Variants in POLR1A observed in about 807,000 individuals in gnomAD.
POLR1A encodes DNA-directed RNA polymerase I subunit RPA1.
POLR1A carries 84 observed loss-of-function variants against 205.3 expected under a neutral mutation model. That is an observed-to-expected ratio of 0.41 (90% CI 0.34 to 0.49). The LOEUF is 0.49. Among genes scored for constraint, POLR1A ranks in the 20% least tolerant of loss-of-function variants. The pLI, the probability that POLR1A is intolerant of heterozygous loss-of-function variation, is 0.22. For synonymous variants in POLR1A, 799 were observed against 863.7 expected (o/e 0.93, Z 1.31); for missense variants, 1,645 against 2,204.5 (o/e 0.75, Z 5.08).
Position 86,028,561 on chromosome 2 carries a change from G to C in POLR1A, c.4897+33C>G, listed in dbSNP as rs750533260. 2.6e-6 allele frequency: 4 copies of C among 1,517,252 alleles called. No individual in the cohort carries two copies. The highest frequency in any genetic ancestry group is 3.7e-6 in the Non-Finnish European group (4 of 1,091,802). The allele number at this position is 1,517,252 out of a possible 1,614,324, so 94.0% of individuals were successfully genotyped here. A position where few individuals can be genotyped will look rare whatever the true frequency, so the allele number is the denominator to read the frequency against. ...CTTCTGGTGTCCTGGCTGGTGCCCA[G>C]ACCTCGGGGTGTTATCTGCAAGCTC... On this transcript the variant is annotated intron_variant, in intron 32 of 33. Transcript: ENST00000263857. The surrounding 1 kb of genome is among the most constrained non-coding windows in gnomAD (Gnocchi z 4.5).
At position 86,032,003 on chromosome 2, in the gene POLR1A, C is replaced by T. The variant is rs148063159; in HGVS notation, c.4272+269G>A. 9.2e-5 allele frequency among the ~76,000 whole-genome samples: 14 copies of T among 152,284 alleles called. No individual in the cohort carries two copies. The East Asian group carries it at 2.7e-3, about 29-fold the overall frequency. ...CAGAGGCAGCCTGACTTTTTCTTGC[C>T]AGAAGCCTGTCTGGATCCTTGAGTC... On this transcript the variant is annotated intron_variant, in intron 29 of 33. Coordinates refer to ENST00000263857, the MANE Select transcript of POLR1A (RefSeq NM_015425.6).
intron 27 of POLR1A, among the ~76,000 whole-genome samples, chr2:86,035,583 TTGTGGCAATGTCACGGC>T (rs1172215201): frequency 6.6e-6 from 1 of 152,134 alleles, no homozygotes; most frequent in East Asian, 1.9e-4. Context: ...CTGTCTCAAC[TTGTGGCAATGTCACGGC>T]TCTGATGCTT....
chr2:86,073,380 AGCCTGCATG>A (rs985056798), intron 12 of POLR1A, among the ~76,000 whole-genome samples: 4 of 152,138 alleles, frequency 2.6e-5, no homozygotes, highest in Non-Finnish European at 5.9e-5. Flanking sequence ...GCTACAGCAG[AGCCTGCATG>A]GCCCAGGACC....
At position 86,023,499 on chromosome 2, in the gene POLR1A, T is replaced by C. The variant is rs1690191367; in HGVS notation, c.*3924A>G. The stretch of plus-strand genomic sequence containing the variant: ...TCCCCAGGTGCAGAACACTTAAGGG[T>C]CCCAACATCTGATTGAAACACAGCC... On this transcript the variant is annotated 3_prime_UTR_variant, in exon 34 of 34. Transcript: ENST00000263857. 6.6e-6 allele frequency: 1 copy of C among 152,034 alleles called. No individual in the cohort carries two copies. Among genetic ancestry groups the C allele is most frequent in the Non-Finnish European group, 1.5e-5 (1 of 68,028 alleles). 9.4% of individuals were successfully genotyped at this position (152,034 alleles called of 1,614,324 possible). A position where few individuals can be genotyped will look rare whatever the true frequency, so the allele number is the denominator to read the frequency against.
At position 86,068,386 on chromosome 2, in the gene POLR1A, C is replaced by CGGGGGG. The variant is rs543719645; in HGVS notation, c.1866+1626_1866+1631dup. ...GAACACGCACAGCCAAGCACATGGG[C>CGGGGGG]GGGGGGGGGGGGCGGGTGTCGTCCA... On this transcript the variant is annotated intron_variant, in intron 13 of 33. Coordinates refer to ENST00000263857, the MANE Select transcript of POLR1A (RefSeq NM_015425.6). 2.8e-3 allele frequency among the ~76,000 whole-genome samples: 34 copies of CGGGGGG among 12,216 alleles called. 2 individuals carry two copies. The highest frequency in any genetic ancestry group is 9.0e-3 in the African/African-American group (20 of 2,220). The allele number at this position is 12,216 out of a possible 152,430, so 8.0% of individuals were successfully genotyped here. A position where few individuals can be genotyped will look rare whatever the true frequency, so the allele number is the denominator to read the frequency against.
chr2:86,056,798 C>T (rs1672906273), intron 14 of POLR1A, among the ~76,000 whole-genome samples: 1 of 152,196 alleles, frequency 6.6e-6, no homozygotes. Flanking sequence ...CATCTGTTTA[C>T]AGCATGTTTT....
rs947056624 is a variant in POLR1A, at chr2:86,105,713, C to T, written c.64G>A (p.Ala22Thr). 24 of 1,613,100 alleles carry T rather than the reference C, an allele frequency of 1.5e-5. No individual in the cohort carries two copies. Among genetic ancestry groups the T allele is most frequent in the Non-Finnish European group, 1.9e-5 (22 of 1,179,122 alleles). The change falls in exon 1 of 34, where the codon GCT becomes ACT. Residue 22 changes from alanine to threonine, a missense_variant. Ala to Thr is a moderately conservative substitution (Grantham distance 58). Transcript: ENST00000263857. ...CCAACTCCTTACTTGAGCTCTTCAG[C>T]CGAATACATCCCGAAGGAAATGCCC... is the stretch of plus-strand genomic sequence containing the variant. Reference protein sequence around the residue: ...LQGISFGMYSAEELKKLSVKS... With the variant: ...LQGISFGMYSTEELKKLSVKS...
intron 21 of POLR1A, among the ~76,000 whole-genome samples, chr2:86,044,912 T>C (rs1017920159): frequency 1.3e-5 from 2 of 152,186 alleles, no homozygotes; most frequent in Non-Finnish European, 2.9e-5. Context: ...CAGCAGTCAC[T>C]GTCCCTCCAC....
At chr2:86,042,582 G>A (rs190124764) in intron 23 of POLR1A, among the ~76,000 whole-genome samples, 148 of 152,336 alleles carry the variant, frequency 9.7e-4, no homozygotes, top group African/African-American at 3.3e-3. Flanking sequence ...GCTGATGGGA[G>A]GCACCAGCAG....
chr2:86,030,049 G>C (rs549980001), intron 31 of POLR1A, 147 bp downstream of exon 31: 1 of 672,648 alleles, frequency 1.5e-6, no homozygotes, highest in African/African-American at 1.8e-5. Context: ...ACGCACACTT[G>C]GTTTGGGGAA....
At position 86,043,227 on chromosome 2, in the gene POLR1A, A is replaced by C. The variant is rs747609745; in HGVS notation, c.3136-32T>G. On this transcript the variant is annotated intron_variant, in intron 22 of 33. Transcript: ENST00000263857. The stretch of plus-strand genomic sequence containing the variant: ...AAACAAACAAAAAAACAAACAAACA[A>C]ATCACACACATGAGATCAAAGAGAT... 10 of 1,537,072 alleles carry C rather than the reference A, an allele frequency of 6.5e-6. No homozygotes were observed. In the East Asian group the frequency reaches 2.2e-4, roughly 35 times the overall value.
chr2:86,040,511 C>T lies in POLR1A; in HGVS notation c.3621G>A (p.Pro1207=), dbSNP rs560609619. 22 of 1,609,388 alleles carry T rather than the reference C, an allele frequency of 1.4e-5. No individual in the cohort carries two copies. The South Asian group carries it at 1.4e-4, about 10-fold the overall frequency. ...QLKWQRSLCE[P]GEAVGLLAAQ... ...CAGCCAGCAGGCCCACAGCCTCGCC[C>T]GGCTCACACAGTGAGCGCTGCCACT... The change falls in exon 25 of 34, where the codon CCG becomes CCA. Residue 1207 remains proline (P), a synonymous_variant. Transcript: ENST00000263857.
rs1162181692 is a variant in POLR1A, at chr2:86,075,044, G to A, written c.1597C>T (p.Gln533Ter). The A allele has an allele frequency of 6.2e-6, 10 of 1,609,140 alleles. No individual in the cohort carries two copies. In the Admixed American group the frequency reaches 1.7e-4, roughly 27 times the overall value. ...CCCTTACTCACAATTTTTGTCCCCTGGGGCTTAGGTGCCCCCGTGGCTGGG... is the reference window on the plus strand; with the variant it reads ...CCCTTACTCACAATTTTTGTCCCCTAGGGCTTAGGTGCCCCCGTGGCTGGG... ...LTPATGAPKP[Q>*]GTKIVCRHVK... The change falls in exon 12 of 34, where the codon CAG becomes TAG. Residue 533 changes from glutamine (Q) to a stop codon, truncating the protein, a stop_gained. Coordinates refer to ENST00000263857, the MANE Select transcript of POLR1A (RefSeq NM_015425.6). LOFTEE classifies it high-confidence loss of function.
Position 86,042,070 on chromosome 2 carries a change from T to A in POLR1A, c.3391A>T (p.Ser1131Cys), listed in dbSNP as rs1414038739. 6.2e-7 allele frequency: 1 copy of A among 1,613,066 alleles called. No homozygotes were observed. The highest frequency in any genetic ancestry group is 8.5e-7 in the Non-Finnish European group (1 of 1,179,972). The change falls in exon 24 of 34, where the codon AGC becomes TGC. Residue 1131 changes from serine (S) to cysteine (C), a missense_variant. Around this residue, in one of 16 missense-constraint regions of POLR1A, gnomAD observed 201 missense variants for 222.3 expected, o/e 0.90. Coordinates refer to ENST00000263857, the MANE Select transcript of POLR1A (RefSeq NM_015425.6). ...GCCTTCTTCTGGTATTTCCTTCGGC[T>A]TTCCTCATCCAACTCATACCACATC... ...LRMWYELDEE[S>C]RRKYQKKAAA... is the part of the protein sequence containing the mutation.
Position 86,054,235 on chromosome 2 carries a change from A to C in POLR1A, c.2113T>G (p.Leu705Val). ...CCAGTGATTTTCGCCTTTCCAGATA[A>C]GTTCAGTGGGATGTGGTCCTCTGGG... is the stretch of plus-strand genomic sequence containing the variant. ...IIPEDHIPLNLSGKAKITGKA... is the reference protein window; with the variant it reads ...IIPEDHIPLNVSGKAKITGKA... The change falls in exon 15 of 34, where the codon TTA becomes GTA. Residue 705 changes from leucine to valine, a missense_variant. Transcript: ENST00000263857. The C allele has an allele frequency of 2.5e-6, 4 of 1,614,054 alleles. No homozygotes were observed. The highest frequency in any genetic ancestry group is 3.4e-6 in the Non-Finnish European group (4 of 1,179,906).
chr2:86,081,008 G>T lies in POLR1A; in HGVS notation c.924-30C>A, dbSNP rs575837535. On this transcript the variant is annotated intron_variant, in intron 8 of 33. Transcript: ENST00000263857. Reference sequence around the variant, plus strand: ...AGGGGGACATACGGAATAAATGAATGTTTAGTGTGAGGAAAGGGTCATGTT... The same window carrying T: ...AGGGGGACATACGGAATAAATGAATTTTTAGTGTGAGGAAAGGGTCATGTT... The T allele has an allele frequency of 9.1e-5, 145 of 1,585,762 alleles. 2 individuals are homozygous for T. The South Asian group carries it at 1.5e-3, about 16-fold the overall frequency.
chr2:86,061,186 C>T (rs531265789), intron 14 of POLR1A, among the ~76,000 whole-genome samples: 1 of 152,294 alleles, frequency 6.6e-6, no homozygotes, highest in Admixed American at 6.5e-5. Flanking sequence ...GTGGCTCATG[C>T]TTGTAATCCC....
intron 13 of POLR1A, among the ~76,000 whole-genome samples, chr2:86,066,734 T>C (rs72934523): frequency 0.011 from 1,671 of 152,260 alleles, 29 homozygotes; most frequent in African/African-American, 0.038. Context: ...CCTTGTCAAA[T>C]GGTCTAAACA....
rs1347482518 is a variant in POLR1A at position 86,023,159 on chromosome 2, T to C, written c.*4264A>G. ...TTGATGGTGTAGGAACTTTGGAATT[T>C]TTGACTGTAGCTATTTTGGTGGTTG... On this transcript the variant is annotated 3_prime_UTR_variant, in exon 34 of 34. Coordinates refer to ENST00000263857, the MANE Select transcript of POLR1A (RefSeq NM_015425.6). 6.6e-6 allele frequency: 1 copy of C among 152,230 alleles called. No individual in the cohort carries two copies. Among genetic ancestry groups the C allele is most frequent in the Non-Finnish European group, 1.5e-5 (1 of 68,058 alleles). The allele number at this position is 152,230 out of a possible 1,614,324, so 9.4% of individuals were successfully genotyped here.
Sources: gnomAD v4.1 joint callset for allele counts (sites outside exome capture counted in the v4.1 genomes callset) on GRCh38, gnomAD v4.1.1 for gene constraint, gnomAD v4.1.1 regional missense constraint, Gnocchi (gnomAD v3.1) non-coding constraint, MANE v1.5 for transcripts, NCBI Gene and HGNC (gene_info 2026-07-23, HGNC 2026-07-21) for gene names.